Variants in SLC38A9 observed in about 807,000 individuals in gnomAD.
SLC38A9 encodes the protein solute carrier family 38 member 9.
SLC38A9 carries 48 observed loss-of-function variants against 62.3 expected under a neutral mutation model. The ratio of observed to expected loss-of-function variants is 0.77; its 90% confidence interval spans 0.61 to 0.98. SLC38A9 has a LOEUF of 0.98. Ranked by LOEUF, SLC38A9 falls within the 50% of genes least tolerant of loss-of-function variation. SLC38A9 has a pLI of 0.00. For synonymous variants in SLC38A9, 204 were observed against 227.7 expected, an observed-to-expected ratio of 0.90 and a Z score of 0.94; for missense variants, 541 against 679.8, an observed-to-expected ratio of 0.80 and a Z score of 2.27.
At chr5:55,661,405 C>A (rs34812546) in intron 8 of SLC38A9, among the ~76,000 whole-genome samples, 86,354 of 144,686 alleles carry the variant, frequency 0.6, 26,415 homozygotes, top group South Asian at 0.7. Context: ...AGATCTCGCC[C>A]CGGCACTCAA....
intron 3 of SLC38A9, chr5:55,696,845 C>G (rs575467358): frequency 1.3e-5 from 2 of 159,194 alleles, no homozygotes; most frequent in Non-Finnish European, 2.6e-5. Flanking sequence ...TCTTCTCAGA[C>G]GGGGCGGCCG....
chr5:55,666,815 C>T (rs1750539249), intron 7 of SLC38A9, among the ~76,000 whole-genome samples: 1 of 152,132 alleles, frequency 6.6e-6, no homozygotes, highest in Admixed American at 6.6e-5. Context: ...ATCACGAAGT[C>T]AGGAGATCGA....
intron 3 of SLC38A9, among the ~76,000 whole-genome samples, chr5:55,683,041 G>A (rs974547799): frequency 6.6e-6 from 1 of 151,802 alleles, no homozygotes; most frequent in Non-Finnish European, 1.5e-5. Context: ...AGAAGAGAGG[G>A]AAGGAGGCAG....
At chr5:55,678,935 C>T (rs1309573306) in intron 3 of SLC38A9, among the ~76,000 whole-genome samples, 1 of 152,080 alleles carries the variant, frequency 6.6e-6, no homozygotes, top group Non-Finnish European at 1.5e-5. Context: ...GTTGAGATTA[C>T]AGGCATGAGC....
intron 14 of SLC38A9, among the ~76,000 whole-genome samples, chr5:55,628,304 T>C (rs1742821812): frequency 1.3e-5 from 2 of 152,168 alleles, no homozygotes; most frequent in Admixed American, 1.3e-4. Flanking sequence ...GCTATGAATA[T>C]CAAGATATTT....
intron 12 of SLC38A9, among the ~76,000 whole-genome samples, chr5:55,639,057 C>G (rs758940381): frequency 6.6e-6 from 1 of 151,970 alleles, no homozygotes; most frequent in Non-Finnish European, 1.5e-5. Context: ...GTGGTTCACG[C>G]CTGTAATCCC....
chr5:55,634,792 T>C (rs897595179), intron 13 of SLC38A9: 3 of 152,274 alleles, frequency 2.0e-5, no homozygotes, highest in African/African-American at 7.2e-5. Flanking sequence ...TCCATTGTAC[T>C]CTATAAGAGG....
intron 3 of SLC38A9, among the ~76,000 whole-genome samples, chr5:55,687,078 T>G (rs1307287912): frequency 1.3e-5 from 2 of 149,046 alleles, no homozygotes; most frequent in Non-Finnish European, 3.0e-5. Context: ...TTTTTTTTTT[T>G]TTTTTTTTTT....
intron 14 of SLC38A9, among the ~76,000 whole-genome samples, chr5:55,629,701 A>G (rs72758225): frequency 0.014 from 2,064 of 151,634 alleles, 23 homozygotes; most frequent in Non-Finnish European, 0.021. Context: ...AGAAAAATGA[A>G]TTATATAAGC....
At chr5:55,707,985 C>G (rs893738563) in intron 2 of SLC38A9, among the ~76,000 whole-genome samples, 22 of 152,292 alleles carry the variant, frequency 1.4e-4, no homozygotes, top group Non-Finnish European at 2.2e-4. Context: ...CACCAAACAT[C>G]AAATCTGCAG....
intron 3 of SLC38A9, among the ~76,000 whole-genome samples, chr5:55,681,630 A>G (rs1753019099): frequency 1.3e-5 from 2 of 152,140 alleles, no homozygotes; most frequent in African/African-American, 4.8e-5. Flanking sequence ...TTTTATTAGA[A>G]CTGTGGGGGT....
intron 7 of SLC38A9, among the ~76,000 whole-genome samples, chr5:55,668,456 C>A (rs1281670617): frequency 6.6e-6 from 1 of 152,124 alleles, no homozygotes; most frequent in African/African-American, 2.4e-5. Flanking sequence ...TGGCCCCAAA[C>A]TCCTGGGCTA....
chr5:55,710,946 A>T (rs1165756962), intron 2 of SLC38A9, among the ~76,000 whole-genome samples: 1 of 151,832 alleles, frequency 6.6e-6, no homozygotes, highest in African/African-American at 2.4e-5. Flanking sequence ...CTTTCTCCTC[A>T]GCAGCTGCCT....
intron 14 of SLC38A9, among the ~76,000 whole-genome samples, chr5:55,628,747 T>A (rs1248048564): frequency 6.6e-6 from 1 of 152,140 alleles, no homozygotes; most frequent in Non-Finnish European, 1.5e-5. Flanking sequence ...CTCACTACCA[T>A]GAAGAGAATA....
chr5:55,669,640 G>A lies in SLC38A9; in HGVS notation c.369-20C>T. ...ATAAAACTGAAAACACAGAGTAATA[G>A]CAGTAAAAAAATGGAGTTTCACTCT... On this transcript the variant is annotated intron_variant, in intron 5 of 15. Transcript: ENST00000396865. 6.2e-7 allele frequency: 1 copy of A among 1,600,480 alleles called. No individual in the cohort carries two copies. Among genetic ancestry groups the A allele is most frequent in the Admixed American group, 1.7e-5 (1 of 57,940 alleles).
chr5:55,671,127 A>G (rs1371774410), intron 4 of SLC38A9, among the ~76,000 whole-genome samples: 1 of 152,090 alleles, frequency 6.6e-6, no homozygotes, highest in Non-Finnish European at 1.5e-5. Flanking sequence ...TCTTATTTTC[A>G]GTTAAACTTG....
At chr5:55,688,546 A>AT (rs1252903550) in intron 3 of SLC38A9, among the ~76,000 whole-genome samples, 2 of 151,548 alleles carry the variant, frequency 1.3e-5, no homozygotes, top group Non-Finnish European at 2.9e-5. Context: ...TGCCCGGCTC[A>AT]TTTTTTTGTA....
chr5:55,649,514 G>A (rs914634942), intron 10 of SLC38A9, among the ~76,000 whole-genome samples, 200 bp from the exon 11 acceptor site: 2 of 152,002 alleles, frequency 1.3e-5, no homozygotes, highest in East Asian at 3.9e-4. Flanking sequence ...AACACTCTAT[G>A]TAGTAGGCCT....
intron 10 of SLC38A9, among the ~76,000 whole-genome samples, chr5:55,651,881 T>C (rs1240051585): frequency 6.6e-6 from 1 of 151,940 alleles, no homozygotes; most frequent in East Asian, 1.9e-4. Context: ...TTCGTGTATT[T>C]CGTCTAGTTG....
Sources: gnomAD v4.1 joint callset for allele counts (sites outside exome capture counted in the v4.1 genomes callset) on GRCh38, gnomAD v4.1.1 for gene constraint, MANE v1.5 for transcripts, NCBI Gene and HGNC (gene_info 2026-07-23, HGNC 2026-07-21) for gene names.